The following TUT1 variants were observed in gnomAD, a reference collection of about 807,000 sequenced individuals.
TUT1 encodes the protein speckle targeted PIP5K1A-regulated poly(A) polymerase.
In TUT1, 26 loss-of-function variants were observed where a neutral mutation model predicts 48.8. The ratio of observed to expected loss-of-function variants is 0.53; its 90% CI spans 0.39 to 0.74. TUT1 has a LOEUF of 0.74. Among genes scored for constraint, TUT1 ranks in the 30% least tolerant of loss-of-function variants. The probability of loss-of-function intolerance (pLI) is 0.00; values close to 1 mark genes in which losing one functional copy is unlikely to be tolerated. For missense variants in TUT1, 1,065 were observed against 1,114.8 expected (o/e 0.96, Z 0.64); for synonymous variants, 470 against 460.8 (o/e 1.02, Z -0.26).
intron 2 of TUT1, among the ~76,000 whole-genome samples, chr11:62,587,092 CAAAAAA>C (rs202002182): frequency 1.6e-4 from 17 of 108,314 alleles, no homozygotes; most frequent in African/African-American, 4.4e-4. Flanking sequence ...AACTCCCTCT[CAAAAAA>C]AAAAAAAAAA....
chr11:62,575,070 T>C lies in TUT1; in HGVS notation c.*24A>G, dbSNP rs1036488397. ...GACTGTATTAATAAACTAGCAGCTT[T>C]ATTGCCCTTCAGGGGCCATGTCTTC... On this transcript the variant is annotated 3_prime_UTR_variant, in exon 9 of 9. Coordinates refer to ENST00000476907, the MANE Select transcript of TUT1 (RefSeq NM_022830.3). The C allele has an allele frequency of 1.3e-6, 2 of 1,548,406 alleles. No homozygotes were observed. Among genetic ancestry groups the C allele is most frequent in the African/African-American group, 2.8e-5 (2 of 72,660 alleles).
chr11:62,586,842 T>A (rs1225033109), intron 2 of TUT1, among the ~76,000 whole-genome samples: 1 of 150,018 alleles, frequency 6.7e-6, no homozygotes, highest in Non-Finnish European at 1.5e-5. Context: ...CTTGCTGGGA[T>A]TACAGGCGCC....
intron 4 of TUT1, among the ~76,000 whole-genome samples, chr11:62,579,960 C>G (rs1590718523): frequency 6.6e-6 from 1 of 152,024 alleles, no homozygotes; most frequent in Non-Finnish European, 1.5e-5. Context: ...AACCACCGCG[C>G]CCGGCCAAGT....
intron 4 of TUT1, among the ~76,000 whole-genome samples, chr11:62,580,041 G>A (rs1216770508): frequency 6.6e-6 from 1 of 152,154 alleles, no homozygotes; most frequent in Non-Finnish European, 1.5e-5. Flanking sequence ...TTGGGAGAAT[G>A]AGGCAGGAGG....
intron 2 of TUT1, among the ~76,000 whole-genome samples, 175 bp downstream of exon 2, chr11:62,588,856 A>G (rs1941960646): frequency 6.6e-6 from 1 of 152,130 alleles, no homozygotes. Flanking sequence ...CATCACACCC[A>G]GCTAATTTTT....
chr11:62,589,364 C>T, intron 1 of TUT1, 143 bp from the exon 2 acceptor site: 1 of 670,808 alleles, frequency 1.5e-6, no homozygotes, highest in Admixed American at 3.1e-5. Context: ...GCTCCTTTCA[C>T]CTTCCTCTCT....
intron 1 of TUT1, 56 bp downstream of exon 1, chr11:62,591,348 G>A: frequency 4.0e-6 from 6 of 1,497,322 alleles, no homozygotes; most frequent in East Asian, 2.4e-5. Flanking sequence ...CTTTCGCCAG[G>A]ATCAAAAGAC....
At chr11:62,589,917 C>T (rs1049751635) in intron 1 of TUT1, among the ~76,000 whole-genome samples, 1 of 152,200 alleles carries the variant, frequency 6.6e-6, no homozygotes. Flanking sequence ...GCATCAACTT[C>T]CTCAGATATA....
chr11:62,587,000 C>T (rs1162130181), intron 2 of TUT1, among the ~76,000 whole-genome samples: 3 of 141,128 alleles, frequency 2.1e-5, no homozygotes, highest in Non-Finnish European at 3.1e-5. Flanking sequence ...CCACTGTGCC[C>T]AGTCGAGAGA....
chr11:62,581,357 G>A, intron 3 of TUT1, 29 bp downstream of exon 3: 2 of 1,578,500 alleles, frequency 1.3e-6, no homozygotes, highest in Non-Finnish European at 1.7e-6. Context: ...GCCAGGGAGG[G>A]CTCAGACATA....
At chr11:62,576,583 C>G in intron 8 of TUT1, 74 bp downstream of exon 8, 1 of 1,293,850 alleles carries the variant, frequency 7.7e-7, no homozygotes, top group East Asian at 2.3e-5. Context: ...GCCTGGCACA[C>G]AGTTAGTGTG....
At chr11:62,587,307 G>T (rs558163250) in intron 2 of TUT1, among the ~76,000 whole-genome samples, 1 of 151,770 alleles carries the variant, frequency 6.6e-6, no homozygotes, top group Non-Finnish European at 1.5e-5. Context: ...TCAGCCTCCC[G>T]AGTAGCTGGG....
chr11:62,585,715 C>G (rs544614691), intron 2 of TUT1, among the ~76,000 whole-genome samples: 273 of 152,324 alleles, frequency 1.8e-3, no homozygotes, highest in Non-Finnish European at 2.9e-3. Context: ...CCTGTAAACC[C>G]AGCTACTCAG....
At chr11:62,584,770 T>A (rs1163928477) in intron 2 of TUT1, among the ~76,000 whole-genome samples, 1 of 151,796 alleles carries the variant, frequency 6.6e-6, no homozygotes, top group East Asian at 1.9e-4. Flanking sequence ...GTTTGTTTAT[T>A]TTTTTACCCA....
rs961975439 is a variant in TUT1 at position 62,577,789 on chromosome 11, C to T, written c.1161-498G>A. On this transcript the variant is annotated intron_variant, in intron 5 of 8. Transcript: ENST00000476907. ...CCCTTGAAAGTAGTATTCTAGGGCG[C>T]GGTGCCTCACGCCTGTAATCCCAGC... 3.9e-5 allele frequency among the ~76,000 whole-genome samples: 6 copies of T among 152,222 alleles called. No homozygotes were observed. The East Asian group carries it at 1.2e-3, about 29-fold the overall frequency.
intron 1 of TUT1, among the ~76,000 whole-genome samples, chr11:62,590,433 G>A (rs1240289267): frequency 2.0e-5 from 3 of 152,096 alleles, no homozygotes; most frequent in African/African-American, 4.8e-5. Context: ...TCAGGAGATC[G>A]AGACCATCCT....
intron 4 of TUT1, among the ~76,000 whole-genome samples, chr11:62,580,628 A>C (rs1310058357): frequency 1.2e-5 from 1 of 83,760 alleles, no homozygotes; most frequent in Non-Finnish European, 2.1e-5. Context: ...TTTTTTGAGG[A>C]GTCTCCCTCT....
chr11:62,590,988 G>C (rs1942002249), intron 1 of TUT1, among the ~76,000 whole-genome samples: 1 of 151,882 alleles, frequency 6.6e-6, no homozygotes, highest in East Asian at 1.9e-4. Context: ...CCTCTGTAGG[G>C]CTTCTCTGAT....
At chr11:62,583,558 T>C (rs1224282855) in intron 2 of TUT1, among the ~76,000 whole-genome samples, 5 of 152,016 alleles carry the variant, frequency 3.3e-5, no homozygotes, top group South Asian at 4.1e-4. Context: ...AGATTGTGCA[T>C]TGTACTCCAG....
Sources: gnomAD v4.1 joint callset for allele counts (sites outside exome capture counted in the v4.1 genomes callset) on GRCh38, gnomAD v4.1.1 for gene constraint, MANE v1.5 for transcripts, NCBI Gene and HGNC (gene_info 2026-07-23, HGNC 2026-07-21) for gene names.